The following OPCML variants were observed in gnomAD, a reference collection of about 807,000 sequenced individuals.
OPCML encodes opioid-binding protein/cell adhesion molecule.
Under a neutral mutation model 37.8 loss-of-function variants are expected in OPCML, and 13 were observed. That is an observed-to-expected ratio of 0.34 (90% CI 0.22 to 0.55). OPCML has a LOEUF of 0.55. Ranked by LOEUF, OPCML falls within the 20% of genes least tolerant of loss-of-function variation. The pLI is 0.91. For missense variants in OPCML, 341 were observed against 435.6 expected, an observed-to-expected ratio of 0.78 and a Z score of 1.93; for synonymous variants, 176 against 168.8, an observed-to-expected ratio of 1.04 and a Z score of -0.33.
intron 1 of OPCML, among the ~76,000 whole-genome samples, chr11:133,285,436 G>A (rs554581896): frequency 4.6e-5 from 7 of 152,302 alleles, no homozygotes; most frequent in African/African-American, 1.7e-4. Context: ...TAGGAGACCC[G>A]TACGTGGGGA....
intron 1 of OPCML, among the ~76,000 whole-genome samples, chr11:133,042,541 C>G (rs1472403615): frequency 6.6e-6 from 1 of 152,168 alleles, no homozygotes; most frequent in Non-Finnish European, 1.5e-5. Context: ...TCAACTCTCC[C>G]AATAGGCTAG....
intron 1 of OPCML, among the ~76,000 whole-genome samples, chr11:133,515,843 GAA>G (rs538181282): frequency 5.2e-5 from 7 of 134,474 alleles, no homozygotes; most frequent in African/African-American, 1.6e-4. Flanking sequence ...CCAAGAAGAG[GAA>G]AAAAAAAAAA....
At chr11:133,483,820 G>GATAGATAGATAAATAA (rs1344805440) in intron 1 of OPCML, among the ~76,000 whole-genome samples, 1 of 149,534 alleles carries the variant, frequency 6.7e-6, no homozygotes, top group Non-Finnish European at 1.5e-5. Context: ...TAGATAGATA[G>GATAGATAGATAAATAA]ATAGATAGGA....
At chr11:133,025,953 T>C (rs1343466443) in intron 1 of OPCML, 1 of 462,966 alleles carries the variant, frequency 2.2e-6, no homozygotes, top group Non-Finnish European at 2.8e-6. Flanking sequence ...CAGCGTGGTC[T>C]CGAACTCCTG....
chr11:133,264,948 T>A (rs887714372), intron 1 of OPCML, among the ~76,000 whole-genome samples: 1 of 152,210 alleles, frequency 6.6e-6, no homozygotes, highest in South Asian at 2.1e-4. Context: ...AGTGGTTTTG[T>A]CTGCACTAGA....
At chr11:133,103,279 C>CTTCTTT (rs1949112317) in intron 1 of OPCML, among the ~76,000 whole-genome samples, 1 of 152,118 alleles carries the variant, frequency 6.6e-6, no homozygotes, top group Admixed American at 6.5e-5. Flanking sequence ...ACTTGGGAAA[C>CTTCTTT]TTATAGAGTC....
intron 1 of OPCML, among the ~76,000 whole-genome samples, chr11:133,235,795 G>T (rs1046475748): frequency 2.0e-5 from 3 of 152,176 alleles, no homozygotes; most frequent in Non-Finnish European, 2.9e-5. Context: ...ACAACAAATG[G>T]GTGGGGAGTC....
chr11:133,518,505 G>A (rs1313375100), intron 1 of OPCML, among the ~76,000 whole-genome samples: 2 of 152,070 alleles, frequency 1.3e-5, no homozygotes, highest in Non-Finnish European at 2.9e-5. Flanking sequence ...GTGTGCGGGT[G>A]TGGGTGTGTA....
At chr11:132,551,224 C>G (rs1005429310) in intron 3 of OPCML, among the ~76,000 whole-genome samples, 1 of 152,168 alleles carries the variant, frequency 6.6e-6, no homozygotes, top group Non-Finnish European at 1.5e-5. Flanking sequence ...AGACCACGTA[C>G]GCTAGAATTA....
intron 3 of OPCML, among the ~76,000 whole-genome samples, chr11:132,558,157 G>C (rs1201727938): frequency 2.0e-5 from 3 of 151,764 alleles, no homozygotes; most frequent in Non-Finnish European, 4.4e-5. Context: ...TTCATACCCA[G>C]CTTCAGTTTT....
intron 1 of OPCML, among the ~76,000 whole-genome samples, chr11:132,964,677 G>A (rs1290040635): frequency 1.3e-5 from 2 of 152,044 alleles, no homozygotes; most frequent in East Asian, 1.9e-4. Context: ...TCTGCCAAAC[G>A]TCCACTCCTC....
intron 1 of OPCML, chr11:133,007,577 C>G (rs1227072173): frequency 1.0e-6 from 1 of 985,300 alleles, no homozygotes; most frequent in African/African-American, 1.7e-5. Context: ...AGAGGTAAAA[C>G]TTAAAACTCT....
rs569932220 is a variant in OPCML at position 133,004,827 on chromosome 11, C to T, written c.62-61817G>A. On this transcript the variant is annotated intron_variant, in intron 1 of 7. Coordinates refer to ENST00000524381, the MANE Select transcript of OPCML (RefSeq NM_001012393.5). Reference sequence around the variant, plus strand: ...CGTCTAACCTGCCCCTCTCCATCTACGGGAGTCAGTTCAAACACCATCCCC... The same window carrying T: ...CGTCTAACCTGCCCCTCTCCATCTATGGGAGTCAGTTCAAACACCATCCCC... 444 of 985,416 alleles carry T rather than the reference C, an allele frequency of 4.5e-4. 1 individual carries two copies. Among genetic ancestry groups the T allele is most frequent in the East Asian group, 4.3e-3 (38 of 8,810 alleles). 61.0% of individuals were successfully genotyped at this position (985,416 alleles called of 1,614,324 possible).
In OPCML at chr11:133,393,603, G is replaced by A. The variant is rs528489503; in HGVS notation, c.61+138661C>T. ...GTCCAGAGATAAAGTGTGTAGCATG[G>A]CACTTGGCACCCAGTGGGTGAGAAG... On this transcript the variant is annotated intron_variant, in intron 1 of 7. Transcript: ENST00000524381. Among the ~76,000 whole-genome samples, 8 of 152,270 alleles carry A rather than the reference G, an allele frequency of 5.3e-5. No homozygotes were observed. The South Asian group carries it at 1.7e-3, about 32-fold the overall frequency.
intron 2 of OPCML, among the ~76,000 whole-genome samples, chr11:132,861,076 T>G (rs947618912): frequency 6.6e-6 from 1 of 152,196 alleles, no homozygotes; most frequent in African/African-American, 2.4e-5. Context: ...CCACCAACTG[T>G]CTCCCAAAGT....
chr11:133,008,063 T>C, intron 1 of OPCML: 1 of 985,450 alleles, frequency 1.0e-6, no homozygotes, highest in Non-Finnish European at 1.2e-6. Context: ...GTACGGCTAC[T>C]TGCATTGGAA....
rs2136747920 is a variant in OPCML, at chr11:132,437,484, A to G, written c.506-125T>C. On this transcript the variant is annotated intron_variant, in intron 4 of 7. Transcript: ENST00000524381. ...GCCATCAGAATGGAGTAGGACATCA[A>G]GTCAAAGACATAGGGCATCATGTTG... 4 of 1,493,500 alleles carry G rather than the reference A, an allele frequency of 2.7e-6. No homozygotes were observed. In the Middle Eastern group the frequency reaches 7.0e-4, roughly 261 times the overall value. 92.5% of individuals were successfully genotyped at this position (1,493,500 alleles called of 1,614,324 possible).
intron 1 of OPCML, among the ~76,000 whole-genome samples, chr11:133,304,622 C>A (rs552710854): frequency 1.3e-5 from 2 of 152,122 alleles, no homozygotes; most frequent in South Asian, 4.1e-4. Context: ...ATACCCAATG[C>A]CTTCTTGAAG....
chr11:132,606,649 C>T (rs1041892793), intron 3 of OPCML, among the ~76,000 whole-genome samples: 4 of 144,828 alleles, frequency 2.8e-5, no homozygotes, highest in African/African-American at 5.2e-5. Flanking sequence ...AGCCTCTCCC[C>T]TTTTCCCACT....
Sources: gnomAD v4.1 joint callset for allele counts (sites outside exome capture counted in the v4.1 genomes callset) on GRCh38, gnomAD v4.1.1 for gene constraint, MANE v1.5 for transcripts, NCBI Gene and HGNC (gene_info 2026-07-23, HGNC 2026-07-21) for gene names.